MMP16: variants seen among roughly 807,000 people sequenced by gnomAD.
The protein encoded by MMP16 is matrix metalloproteinase-16.
MMP16 carries 12 observed loss-of-function variants against 67.8 expected under a neutral mutation model. The ratio of observed to expected loss-of-function variants is 0.18; its 90% CI spans 0.11 to 0.29. MMP16 has a LOEUF of 0.29. MMP16 is among the 10% of genes least tolerant of loss of function. MMP16 has a pLI of 1.00. For synonymous variants in MMP16, 249 were observed against 255.9 expected, an observed-to-expected ratio of 0.97 and a Z score of 0.26; for missense variants, 475 against 765.7, an observed-to-expected ratio of 0.62 and a Z score of 4.48.
At chr8:88,064,384 C>T (rs1464206829) in intron 7 of MMP16, among the ~76,000 whole-genome samples, 1 of 151,912 alleles carries the variant, frequency 6.6e-6, no homozygotes, top group Non-Finnish European at 1.5e-5. Flanking sequence ...TATAAATAAT[C>T]AATATTTTAT....
intron 3 of MMP16, among the ~76,000 whole-genome samples, chr8:88,180,807 AAATAG>A (rs1224728880): frequency 6.6e-6 from 1 of 152,216 alleles, no homozygotes; most frequent in African/African-American, 2.4e-5. Context: ...TCAGCAAATC[AAATAG>A]AATAATCTAT....
chr8:88,277,728 C>T (rs1401285026), intron 1 of MMP16, among the ~76,000 whole-genome samples: 5 of 152,140 alleles, frequency 3.3e-5, no homozygotes, highest in African/African-American at 1.2e-4. Flanking sequence ...TTGATCTCTA[C>T]TAAGCCTGCA....
At position 88,109,847 on chromosome 8, in the gene MMP16, T is replaced by C. The variant is rs1297446840; in HGVS notation, c.1083+6660A>G. 2.0e-5 allele frequency among the ~76,000 whole-genome samples: 3 copies of C among 151,330 alleles called. No individual in the cohort carries two copies. In the East Asian group the frequency reaches 5.8e-4, roughly 29 times the overall value. ...ATTTTTAACATGGAAAAGACTTGGATAATATTGCTATGGAGTAAAAGGGTT... is the reference window on the plus strand; with the variant it reads ...ATTTTTAACATGGAAAAGACTTGGACAATATTGCTATGGAGTAAAAGGGTT... On this transcript the variant is annotated intron_variant, in intron 6 of 9. Transcript: ENST00000286614.
chr8:88,319,586 A>AT (rs1265125011), intron 1 of MMP16, among the ~76,000 whole-genome samples: 6 of 152,144 alleles, frequency 3.9e-5, no homozygotes, highest in Non-Finnish European at 8.8e-5. Context: ...CATGGTAGGA[A>AT]TTCAACTGTG....
At chr8:88,197,456 T>C (rs890918488) in intron 1 of MMP16, 150 bp from the exon 2 acceptor site, 3 of 582,796 alleles carry the variant, frequency 5.1e-6, no homozygotes, top group South Asian at 9.4e-5. Flanking sequence ...GTAATATATA[T>C]ATTATGTAGG....
At position 88,193,645 on chromosome 8, in the gene MMP16, T is replaced by C. The variant is rs189371568; in HGVS notation, c.281+3513A>G. Among the ~76,000 whole-genome samples the C allele has an allele frequency of 8.5e-5, 13 of 152,158 alleles. 2 individuals carry two copies. The highest frequency in any genetic ancestry group is 3.1e-4 in the African/African-American group (13 of 41,520). On this transcript the variant is annotated intron_variant, in intron 2 of 9. Transcript: ENST00000286614. ...TGCTTGAGGTGATAGATACCCCAAC[T>C]ACCCTGATTTGATCACTATGTACTG...
At chr8:88,047,024 A>T (rs1019730629) in intron 8 of MMP16, among the ~76,000 whole-genome samples, 1 of 152,180 alleles carries the variant, frequency 6.6e-6, no homozygotes, top group African/African-American at 2.4e-5. Context: ...AAAAATGGGC[A>T]TCTTATTGTC....
intron 1 of MMP16, among the ~76,000 whole-genome samples, chr8:88,204,094 T>C (rs1006433457): frequency 6.6e-6 from 1 of 152,226 alleles, no homozygotes; most frequent in African/African-American, 2.4e-5. Context: ...ACTGTCATAA[T>C]TCCCTACTTT....
At chr8:88,279,916 A>G (rs981713635) in intron 1 of MMP16, among the ~76,000 whole-genome samples, 8 of 152,284 alleles carry the variant, frequency 5.3e-5, no homozygotes, top group African/African-American at 1.9e-4. Context: ...CACGTTTTAA[A>G]AAAGAGAAAG....
At chr8:88,186,393 G>C in intron 3 of MMP16, 83 bp downstream of exon 3, 1 of 1,532,350 alleles carries the variant, frequency 6.5e-7, no homozygotes, top group Non-Finnish European at 9.0e-7. Context: ...TGTAGTCAAC[G>C]TGCAGAAGAT....
intron 1 of MMP16, among the ~76,000 whole-genome samples, chr8:88,299,968 G>A (rs953940005): frequency 1.3e-5 from 2 of 152,068 alleles, no homozygotes; most frequent in Non-Finnish European, 2.9e-5. Flanking sequence ...AAACTAGAAT[G>A]CATATTCATA....
chr8:88,185,567 A>G (rs1450995771), intron 3 of MMP16, among the ~76,000 whole-genome samples: 1 of 152,238 alleles, frequency 6.6e-6, no homozygotes, highest in African/African-American at 2.4e-5. Flanking sequence ...AGGGTTATTT[A>G]CATGAAGAAT....
At chr8:88,296,407 C>T (rs1811014098) in intron 1 of MMP16, among the ~76,000 whole-genome samples, 1 of 152,072 alleles carries the variant, frequency 6.6e-6, no homozygotes, top group African/African-American at 2.4e-5. Flanking sequence ...GCCTCATCAA[C>T]TTATTTTTTT....
intron 1 of MMP16, among the ~76,000 whole-genome samples, chr8:88,279,239 G>T (rs1173289673): frequency 2.7e-5 from 4 of 149,422 alleles, no homozygotes; most frequent in Non-Finnish European, 5.9e-5. Context: ...AAAAAAAGAA[G>T]CAATGCATAA....
intron 1 of MMP16, among the ~76,000 whole-genome samples, chr8:88,222,700 TG>T (rs1809704181): frequency 6.6e-6 from 1 of 152,140 alleles, no homozygotes; most frequent in African/African-American, 2.4e-5. Context: ...TAATTCAAGA[TG>T]GATTAAAGAC....
At chr8:88,059,573 T>A (rs1808371274) in intron 7 of MMP16, among the ~76,000 whole-genome samples, 1 of 152,134 alleles carries the variant, frequency 6.6e-6, no homozygotes, top group Admixed American at 6.6e-5. Flanking sequence ...ATTTTCCATA[T>A]TTAATGGATC....
chr8:88,118,147 A>C (rs947933304), intron 5 of MMP16, among the ~76,000 whole-genome samples: 4 of 151,784 alleles, frequency 2.6e-5, no homozygotes, highest in Admixed American at 6.6e-5. Context: ...TGTTAATTTC[A>C]CTCCCTTGTT....
chr8:88,214,239 C>G (rs1809554203), intron 1 of MMP16, among the ~76,000 whole-genome samples: 1 of 152,166 alleles, frequency 6.6e-6, no homozygotes. Flanking sequence ...AAACCTGAAC[C>G]TTTTATCACT....
chr8:88,245,299 T>C (rs1429887165), intron 1 of MMP16, among the ~76,000 whole-genome samples: 1 of 152,188 alleles, frequency 6.6e-6, no homozygotes, highest in East Asian at 1.9e-4. Context: ...TTCCTCACTA[T>C]AAATATTTTA....
Sources: allele counts gnomAD v4.1 joint callset (sites outside exome capture counted in the v4.1 genomes callset), GRCh38; gene constraint gnomAD v4.1.1; transcripts MANE v1.5; gene names NCBI Gene and HGNC (gene_info 2026-07-23, HGNC 2026-07-21).